SEMA3D: variants seen among roughly 807,000 people sequenced by gnomAD.
SEMA3D encodes semaphorin 3D, also known as semaphorin-3D.
In SEMA3D, 84 loss-of-function variants were observed where a neutral mutation model predicts 100.1. The ratio of observed to expected loss-of-function variants is 0.84; its 90% confidence interval spans 0.70 to 1.01. The LOEUF (loss-of-function observed/expected upper bound fraction) is 1.01. Among genes scored for constraint, SEMA3D ranks in the 50% least tolerant of loss-of-function variants. The pLI, the probability that SEMA3D is intolerant of heterozygous loss-of-function variation, is 0.00. For synonymous variants in SEMA3D, 312 were observed against 320.7 expected, an observed-to-expected ratio of 0.97 and a Z score of 0.29; for missense variants, 875 against 934.1, an observed-to-expected ratio of 0.94 and a Z score of 0.82.
intron 2 of SEMA3D, chr7:85,142,574 C>T (rs866317174): frequency 1.0e-4 from 100 of 983,366 alleles, no homozygotes; most frequent in Non-Finnish European, 1.1e-4. Flanking sequence ...AAGAGCAGAA[C>T]GTAGACAAGT....
At chr7:85,022,323 G>A (rs1790276720) in intron 13 of SEMA3D, 68 bp downstream of exon 13, 1 of 1,029,938 alleles carries the variant, frequency 9.7e-7, no homozygotes, top group Non-Finnish European at 1.5e-6. Context: ...TATTTTTGAA[G>A]TTGTTCTTCT....
intron 15 of SEMA3D, among the ~76,000 whole-genome samples, chr7:85,016,615 A>G (rs916515842): frequency 6.6e-6 from 1 of 151,326 alleles, no homozygotes; most frequent in African/African-American, 2.4e-5. Context: ...TAAGTGTCCT[A>G]TTTCTGCTGG....
the SEMA3D span, among the ~76,000 whole-genome samples, chr7:85,239,863 A>G: frequency 2.6e-5 from 4 of 152,140 alleles, no homozygotes; most frequent in African/African-American, 9.7e-5. Context: ...TCTTTTGTAT[A>G]TTAACTTCGT....
chr7:85,130,722 AT>A (rs1227099128), intron 2 of SEMA3D, among the ~76,000 whole-genome samples: 1 of 152,190 alleles, frequency 6.6e-6, no homozygotes, highest in African/African-American at 2.4e-5. Flanking sequence ...ATAAATTGAT[AT>A]CATAAGTTCC....
the SEMA3D span, among the ~76,000 whole-genome samples, chr7:85,222,176 C>A: frequency 6.6e-6 from 1 of 151,942 alleles, no homozygotes; most frequent in Non-Finnish European, 1.5e-5. Flanking sequence ...TTTACTAACC[C>A]TGAGAAGTTA....
chr7:85,034,143 T>C (rs1790625924), intron 12 of SEMA3D, among the ~76,000 whole-genome samples: 1 of 152,056 alleles, frequency 6.6e-6, no homozygotes, highest in Non-Finnish European at 1.5e-5. Context: ...TTAATAATAA[T>C]AGCATGTGTT....
intron 1 of SEMA3D, among the ~76,000 whole-genome samples, chr7:85,176,752 A>T (rs1250913788): frequency 2.7e-5 from 4 of 148,540 alleles, no homozygotes; most frequent in Non-Finnish European, 5.9e-5. Flanking sequence ...AGTAACATGT[A>T]TATATGTGTG....
chr7:85,050,417 T>C (rs992214888), intron 9 of SEMA3D: 1 of 204,930 alleles, frequency 4.9e-6, no homozygotes, highest in African/African-American at 2.3e-5. Context: ...AAACAATTTA[T>C]TGGAAAAATA....
Position 85,165,656 on chromosome 7 carries a change from G to C in SEMA3D, c.-172-11917C>G, listed in dbSNP as rs184921684. Among the ~76,000 whole-genome samples, 282 of 152,158 alleles carry C rather than the reference G, an allele frequency of 1.9e-3. 1 individual carries two copies. The highest frequency in any genetic ancestry group is 6.7e-3 in the African/African-American group (277 of 41,550). On this transcript the variant is annotated intron_variant, in intron 1 of 18. Transcript: ENST00000284136. ...TCACCTGTGATTTTTCAATATCTGA[G>C]TACATATGCATACCATCTTTTAAAA...
intron 1 of SEMA3D, among the ~76,000 whole-genome samples, chr7:85,169,271 T>C (rs959624386): frequency 4.0e-5 from 6 of 151,818 alleles, no homozygotes; most frequent in Non-Finnish European, 7.4e-5. Flanking sequence ...AAACAAGTTT[T>C]AACAAAATGC....
chr7:85,208,584 A>G, the SEMA3D span, among the ~76,000 whole-genome samples: 1 of 152,066 alleles, frequency 6.6e-6, no homozygotes, highest in Non-Finnish European at 1.5e-5. Flanking sequence ...ATTTGTCAAA[A>G]TATAAATTCA....
chr7:85,068,056 T>G (rs1373514354), intron 7 of SEMA3D, 135 bp downstream of exon 7: 1 of 615,480 alleles, frequency 1.6e-6, no homozygotes, highest in African/African-American at 1.8e-5. Flanking sequence ...AATTTGGCAC[T>G]AAAATAATGG....
At chr7:85,187,204 A>G (rs1791583950), upstream of SEMA3D, among the ~76,000 whole-genome samples, 1 of 152,122 alleles carries the variant, frequency 6.6e-6, no homozygotes, top group Non-Finnish European at 1.5e-5. Flanking sequence ...AGCAGCGTGG[A>G]TTTAGAGGTA....
intron 4 of SEMA3D, among the ~76,000 whole-genome samples, chr7:85,088,533 A>C (rs960018279): frequency 6.6e-6 from 1 of 152,184 alleles, no homozygotes; most frequent in African/African-American, 2.4e-5. Context: ...TAAAGAAAAA[A>C]ATGTCACTCT....
rs1011615310 is a variant in SEMA3D at position 85,072,952 on chromosome 7, A to G, written c.495+10T>C. 1 of 1,583,618 alleles carries G rather than the reference A, an allele frequency of 6.3e-7. No individual in the cohort carries two copies. The highest frequency in any genetic ancestry group is 1.9e-5 in the Admixed American group (1 of 52,192). On this transcript the variant is annotated intron_variant, in intron 6 of 18. Coordinates refer to ENST00000284136, the MANE Select transcript of SEMA3D (RefSeq NM_001384900.1). ...TAAATTATGCTTTTCATGCTTTTTC[A>G]TTATATTACCTCCTTGTAGACTCCA...
chr7:85,166,511 A>G (rs1049822655), intron 1 of SEMA3D, among the ~76,000 whole-genome samples: 2 of 152,152 alleles, frequency 1.3e-5, no homozygotes, highest in South Asian at 4.1e-4. Context: ...AGGTATTACT[A>G]AGGACCAGAC....
intron 14 of SEMA3D, among the ~76,000 whole-genome samples, chr7:85,019,287 T>C (rs929401470): frequency 2.6e-5 from 4 of 151,782 alleles, no homozygotes; most frequent in Non-Finnish European, 5.9e-5. Flanking sequence ...ATGTGTGTTA[T>C]AGGCACTGTA....
At chr7:85,031,071 C>G (rs918689654) in intron 12 of SEMA3D, among the ~76,000 whole-genome samples, 2 of 151,958 alleles carry the variant, frequency 1.3e-5, no homozygotes, top group Non-Finnish European at 2.9e-5. Flanking sequence ...CTTTTCTAGG[C>G]TTATTAACAT....
At chr7:85,063,405 A>G (rs536566052) in intron 8 of SEMA3D, among the ~76,000 whole-genome samples, 11 of 152,038 alleles carry the variant, frequency 7.2e-5, no homozygotes, top group Non-Finnish European at 1.5e-4. Context: ...TCTGCATCAT[A>G]ATTATTTGCT....
Sources: gnomAD v4.1 joint callset for allele counts (sites outside exome capture counted in the v4.1 genomes callset) on GRCh38, gnomAD v4.1.1 for gene constraint, MANE v1.5 for transcripts, NCBI Gene and HGNC (gene_info 2026-07-23, HGNC 2026-07-21) for gene names.